ITSN2: variants seen among roughly 807,000 people sequenced by gnomAD.
ITSN2 encodes intersectin-2.
Under a neutral mutation model 243.7 loss-of-function variants are expected in ITSN2, and 156 were observed. The ratio of observed to expected loss-of-function variants is 0.64; its 90% CI spans 0.56 to 0.73. The LOEUF (loss-of-function observed/expected upper bound fraction) is 0.73. ITSN2 is among the 30% of genes least tolerant of loss of function. The probability of loss-of-function intolerance (pLI) is 0.00; values close to 1 mark genes in which losing one functional copy is unlikely to be tolerated. For missense variants in ITSN2, 1,801 were observed against 1,996.1 expected (o/e 0.90, Z 1.86); for synonymous variants, 703 against 699.9 (o/e 1.00, Z -0.07).
chr2:24,348,516 T>C (rs1179222120), intron 1 of ITSN2, among the ~76,000 whole-genome samples: 1 of 152,142 alleles, frequency 6.6e-6, no homozygotes, highest in African/African-American at 2.4e-5. Context: ...CAGTCTATTA[T>C]AAACAATAAT....
intron 17 of ITSN2, among the ~76,000 whole-genome samples, chr2:24,282,027 T>C (rs1678846953): frequency 6.6e-6 from 1 of 152,250 alleles, no homozygotes; most frequent in African/African-American, 2.4e-5. Context: ...GGCGGGTCCC[T>C]GGCTAGGGCT....
intron 23 of ITSN2, among the ~76,000 whole-genome samples, 161 bp downstream of exon 23, chr2:24,257,727 G>A (rs961440207): frequency 1.4e-4 from 22 of 152,034 alleles, no homozygotes; most frequent in Admixed American, 3.3e-4. Context: ...AAAATGCTGG[G>A]ATTACAGGTG....
At chr2:24,244,447 T>C (rs868004950) in intron 29 of ITSN2, among the ~76,000 whole-genome samples, 1 of 152,190 alleles carries the variant, frequency 6.6e-6, no homozygotes, top group African/African-American at 2.4e-5. Flanking sequence ...TGAGGCTTAA[T>C]TGGAAAAAGT....
intron 15 of ITSN2, among the ~76,000 whole-genome samples, chr2:24,290,140 C>A (rs1016547805): frequency 6.6e-6 from 1 of 152,138 alleles, no homozygotes; most frequent in African/African-American, 2.4e-5. Context: ...ACAGAAATTG[C>A]CAAACTACTA....
rs1395760666 is a variant in ITSN2, at chr2:24,205,085, T to C, written c.4762+129A>G. The stretch of plus-strand genomic sequence containing the variant: ...TCACTTGTACCCCAGAGGCAGAGGT[T>C]GCAGTGAGCCAAGATCGTGCCACTG... On this transcript the variant is annotated intron_variant, in intron 38 of 39. Transcript: ENST00000355123. 24 of 676,216 alleles carry C rather than the reference T, an allele frequency of 3.5e-5. No homozygotes were observed. The Admixed American group carries it at 5.2e-4, about 15-fold the overall frequency. 41.9% of individuals were successfully genotyped at this position (676,216 alleles called of 1,614,324 possible). A position where few individuals can be genotyped will look rare whatever the true frequency, so the allele number is the denominator to read the frequency against.
intron 17 of ITSN2, 57 bp downstream of exon 17, chr2:24,284,705 TA>T (rs1679240764): frequency 3.9e-6 from 4 of 1,025,660 alleles, no homozygotes; most frequent in Middle Eastern, 2.2e-4. Flanking sequence ...AGTCTAGTTT[TA>T]AAAAAATAAA....
chr2:24,271,691 C>T, intron 19 of ITSN2, 75 bp downstream of exon 19: 15 of 1,412,994 alleles, frequency 1.1e-5, no homozygotes, highest in African/African-American at 1.5e-5. Context: ...ATTTTCTTCC[C>T]TTTTTTTGTC....
intron 2 of ITSN2, among the ~76,000 whole-genome samples, chr2:24,322,570 A>G (rs1306017751): frequency 6.6e-6 from 1 of 152,218 alleles, no homozygotes; most frequent in East Asian, 1.9e-4. Flanking sequence ...ACCTTCCAGC[A>G]TATACATGAA....
In ITSN2 at chr2:24,208,422, A is replaced by G. The variant is rs538625824; in HGVS notation, c.4596-103T>C. Reference sequence around the variant, plus strand: ...GTTCTTCAGTCTTTTGCTAACCTCAACTTTCACAAGTTTCCTATCAAAGAC... The same window carrying G: ...GTTCTTCAGTCTTTTGCTAACCTCAGCTTTCACAAGTTTCCTATCAAAGAC... On this transcript the variant is annotated intron_variant, in intron 36 of 39. Coordinates refer to ENST00000355123, the MANE Select transcript of ITSN2 (RefSeq NM_006277.3). The G allele has an allele frequency of 1.2e-4, 103 of 837,358 alleles. No individual in the cohort carries two copies. In the African/African-American group the frequency reaches 1.2e-3, roughly 10 times the overall value. The allele number at this position is 837,358 out of a possible 1,614,324, so 51.9% of individuals were successfully genotyped here. A position where few individuals can be genotyped will look rare whatever the true frequency, so the allele number is the denominator to read the frequency against.
intron 35 of ITSN2, 113 bp downstream of exon 35, chr2:24,209,705 A>T (rs1337696603): frequency 1.3e-6 from 1 of 799,126 alleles, no homozygotes; most frequent in African/African-American, 1.7e-5. Context: ...AGCGATCTGG[A>T]ACCAGGTGAG....
intron 1 of ITSN2, among the ~76,000 whole-genome samples, chr2:24,343,238 AATAT>A (rs1687213350): frequency 6.6e-6 from 1 of 152,106 alleles, no homozygotes; most frequent in African/African-American, 2.4e-5. Context: ...AACATTAAAA[AATAT>A]ATATATAATA....
intron 24 of ITSN2, 89 bp downstream of exon 24, chr2:24,254,278 T>C (rs2151340551): frequency 1.2e-6 from 1 of 865,148 alleles, no homozygotes; most frequent in East Asian, 2.4e-5. Context: ...AATATGCAAC[T>C]ATGTGAAGAA....
At chr2:24,298,618 T>G (rs781779659) in intron 13 of ITSN2, 47 bp downstream of exon 13, 11 of 1,547,242 alleles carry the variant, frequency 7.1e-6, no homozygotes, top group Non-Finnish European at 9.6e-6. Context: ...TTTCAACAGG[T>G]AGCTCCATCA....
chr2:24,352,100 AT>A (rs762703148), intron 1 of ITSN2, among the ~76,000 whole-genome samples: 1 of 152,198 alleles, frequency 6.6e-6, no homozygotes, highest in Non-Finnish European at 1.5e-5. Context: ...ATAGGTATGT[AT>A]ATATAGGAAA....
At chr2:24,341,597 GC>G (rs1687051184) in intron 1 of ITSN2, among the ~76,000 whole-genome samples, 1 of 152,316 alleles carries the variant, frequency 6.6e-6, no homozygotes, top group Admixed American at 6.5e-5. Flanking sequence ...AAGGGGAAGA[GC>G]CTGGGTGTGG....
chr2:24,232,225 T>G (rs1174245946), intron 29 of ITSN2, among the ~76,000 whole-genome samples: 3 of 152,220 alleles, frequency 2.0e-5, no homozygotes, highest in Non-Finnish European at 4.4e-5. Flanking sequence ...AGGAAAGAAG[T>G]TGAAATCATA....
In ITSN2 at chr2:24,223,824, GAA is replaced by G. The variant is rs70944730; in HGVS notation, c.3578-2760_3578-2759del. On this transcript the variant is annotated intron_variant, in intron 29 of 39. Transcript: ENST00000355123. ...AAGAAGGAAGGGAAGGGAAGGAAGGGAAAAAAAGGAAAGAAACAAGAAAAAGA... is the reference window on the plus strand; with the variant it reads ...AAGAAGGAAGGGAAGGGAAGGAAGGGAAAAAGGAAAGAAACAAGAAAAAGA... 2.1e-5 allele frequency among the ~76,000 whole-genome samples: 3 copies of G among 142,960 alleles called. 1 individual carries two copies. The highest frequency in any genetic ancestry group is 2.2e-4 in the South Asian group (1 of 4,500). The allele number at this position is 142,960 out of a possible 152,430, so 93.8% of individuals were successfully genotyped here.
At chr2:24,328,829 T>TA (rs1444164080) in intron 1 of ITSN2, among the ~76,000 whole-genome samples, 1 of 152,214 alleles carries the variant, frequency 6.6e-6, no homozygotes, top group Non-Finnish European at 1.5e-5. Context: ...CGCAGCTGTT[T>TA]AAATGAGCTC....
chr2:24,283,070 ATTCT>A (rs1679020731), intron 17 of ITSN2, among the ~76,000 whole-genome samples: 1 of 149,012 alleles, frequency 6.7e-6, no homozygotes, highest in Admixed American at 6.7e-5. Context: ...TTTTCTTTTC[ATTCT>A]AAGAGTTGTT....
Sources: allele counts gnomAD v4.1 joint callset (sites outside exome capture counted in the v4.1 genomes callset), GRCh38; gene constraint gnomAD v4.1.1; transcripts MANE v1.5; gene names NCBI Gene and HGNC (gene_info 2026-07-23, HGNC 2026-07-21).